INPP4B: variants seen among roughly 807,000 people sequenced by gnomAD.
INPP4B encodes inositol polyphosphate 4-phosphatase type II.
A neutral mutation model predicts 122.5 loss-of-function variants in INPP4B; 55 were observed. The ratio of observed to expected loss-of-function variants is 0.45; its 90% CI spans 0.36 to 0.56. INPP4B has a LOEUF of 0.56. INPP4B is among the 20% of genes least tolerant of loss of function. The pLI is 0.00. For synonymous variants in INPP4B, 403 were observed against 388.7 expected (o/e 1.04, Z -0.43); for missense variants, 1,000 against 1,097.7 (o/e 0.91, Z 1.26).
chr4:142,805,172 T>C (rs1195119564), intron 1 of INPP4B, among the ~76,000 whole-genome samples: 3 of 152,212 alleles, frequency 2.0e-5, no homozygotes, highest in Non-Finnish European at 4.4e-5. Flanking sequence ...TTTCAAAATG[T>C]TTAACTAAAT....
intron 16 of INPP4B, among the ~76,000 whole-genome samples, chr4:142,166,393 G>A (rs1273375375): frequency 1.3e-5 from 2 of 151,690 alleles, no homozygotes; most frequent in Admixed American, 6.6e-5. Flanking sequence ...ACTAACTCAA[G>A]ATAGATTAAA....
chr4:142,839,453 A>C (rs539945680), intron 1 of INPP4B, among the ~76,000 whole-genome samples: 1 of 152,286 alleles, frequency 6.6e-6, no homozygotes, highest in African/African-American at 2.4e-5. Flanking sequence ...AACAAAAAAA[A>C]TGACATAGGA....
chr4:142,072,104 T>C (rs1423492712), intron 25 of INPP4B, among the ~76,000 whole-genome samples: 1 of 152,136 alleles, frequency 6.6e-6, no homozygotes, highest in East Asian at 1.9e-4. Flanking sequence ...CCATCAATGA[T>C]AGACTGGATT....
intron 7 of INPP4B, among the ~76,000 whole-genome samples, chr4:142,346,588 C>T (rs975885781): frequency 6.6e-6 from 1 of 151,392 alleles, no homozygotes; most frequent in African/African-American, 2.4e-5. Flanking sequence ...AAATTATGCC[C>T]AAGAATAAAG....
At chr4:142,069,691 G>T (rs768848780) in intron 25 of INPP4B, among the ~76,000 whole-genome samples, 2 of 152,152 alleles carry the variant, frequency 1.3e-5, no homozygotes, top group Non-Finnish European at 2.9e-5. Context: ...CACTATCAGA[G>T]AATACTATAA....
At chr4:142,525,122 T>C (rs1483275434) in intron 2 of INPP4B, among the ~76,000 whole-genome samples, 2 of 150,168 alleles carry the variant, frequency 1.3e-5, no homozygotes, top group Non-Finnish European at 3.0e-5. Context: ...AAATCATGAG[T>C]GAACTCCCAT....
At chr4:142,692,930 G>GATAGATAGATAGATAGATAC (rs1322306964) in intron 2 of INPP4B, among the ~76,000 whole-genome samples, 105 of 150,370 alleles carry the variant, frequency 7.0e-4, no homozygotes, top group Middle Eastern at 3.4e-3. Flanking sequence ...TAGATAGATA[G>GATAGATAGATAGATAGATAC]ATAGATACAT....
At chr4:142,312,240 A>G (rs918653922) in intron 8 of INPP4B, among the ~76,000 whole-genome samples, 3 of 152,214 alleles carry the variant, frequency 2.0e-5, no homozygotes, top group Admixed American at 6.5e-5. Context: ...AGGAGCCAGT[A>G]TAGAGACGCT....
At chr4:142,328,634 A>AT (rs1003703286) in intron 7 of INPP4B, among the ~76,000 whole-genome samples, 4 of 151,830 alleles carry the variant, frequency 2.6e-5, no homozygotes, top group East Asian at 1.9e-4. Context: ...GTCTCAGTAT[A>AT]TTTTTTTTGG....
At chr4:142,450,062 T>C (rs1169521051) in intron 3 of INPP4B, among the ~76,000 whole-genome samples, 2 of 152,136 alleles carry the variant, frequency 1.3e-5, no homozygotes, top group African/African-American at 2.4e-5. Flanking sequence ...GAAGTTGACC[T>C]CTTTGTGATG....
chr4:142,686,378 G>GA (rs149344720), intron 2 of INPP4B, among the ~76,000 whole-genome samples: 172 of 152,128 alleles, frequency 1.1e-3, no homozygotes, highest in African/African-American at 3.9e-3. Flanking sequence ...AAAGCCAAAA[G>GA]AAAAAAACCC....
chr4:142,493,570 A>C (rs146638796), intron 2 of INPP4B, among the ~76,000 whole-genome samples: 59 of 152,296 alleles, frequency 3.9e-4, no homozygotes, highest in Non-Finnish European at 7.2e-4. Context: ...TTTAAAGTTT[A>C]ATGACTACCC....
intron 1 of INPP4B, among the ~76,000 whole-genome samples, chr4:142,772,785 C>G (rs1773283404): frequency 6.6e-6 from 1 of 152,160 alleles, no homozygotes; most frequent in Non-Finnish European, 1.5e-5. Context: ...TGGCACACGC[C>G]TGTAATCCTA....
At chr4:142,213,993 T>C (rs577812807) in intron 12 of INPP4B, among the ~76,000 whole-genome samples, 40 of 152,332 alleles carry the variant, frequency 2.6e-4, no homozygotes, top group Non-Finnish European at 4.0e-4. Flanking sequence ...TGGTCATACA[T>C]TGTGGATCTG....
intron 20 of INPP4B, 52 bp from the exon 21 acceptor site, chr4:142,122,297 C>A: frequency 7.8e-7 from 1 of 1,288,366 alleles, no homozygotes; most frequent in South Asian, 1.2e-5. Context: ...AGGAAAATGT[C>A]ACTAGCTACT....
intron 7 of INPP4B, among the ~76,000 whole-genome samples, chr4:142,334,042 C>T (rs1775658390): frequency 6.6e-6 from 1 of 152,132 alleles, no homozygotes. Flanking sequence ...CAGCCCCTGC[C>T]AAATACCATT....
rs539017805 is a variant in INPP4B at position 142,028,237 on chromosome 4, G to A, written c.*545C>T. The A allele has an allele frequency of 8.8e-6, 2 of 227,238 alleles. No homozygotes were observed. Among genetic ancestry groups the A allele is most frequent in the African/African-American group, 4.4e-5 (2 of 45,124 alleles). The allele number at this position is 227,238 out of a possible 1,614,324, so 14.1% of individuals were successfully genotyped here. On this transcript the variant is annotated 3_prime_UTR_variant, in exon 26 of 26. Coordinates refer to ENST00000262992, the MANE Select transcript of INPP4B (RefSeq NM_001101669.3). ...TGACTGGATGATAGAGATCATTGTG[G>A]AACATACCTGCAAACTGCCTCAGTA...
chr4:142,350,782 A>G (rs2151804704), intron 7 of INPP4B, among the ~76,000 whole-genome samples: 1 of 152,152 alleles, frequency 6.6e-6, no homozygotes, highest in Admixed American at 6.6e-5. Flanking sequence ...TACATTGGAA[A>G]GCATTTTACA....
chr4:142,203,182 A>T (rs1296974804), intron 14 of INPP4B, among the ~76,000 whole-genome samples: 2 of 152,116 alleles, frequency 1.3e-5, no homozygotes, highest in East Asian at 3.9e-4. Context: ...GACCAGGCTC[A>T]CAAAGTAAAA....
Sources: gnomAD v4.1 joint callset for allele counts (sites outside exome capture counted in the v4.1 genomes callset) on GRCh38, gnomAD v4.1.1 for gene constraint, MANE v1.5 for transcripts, NCBI Gene and HGNC (gene_info 2026-07-23, HGNC 2026-07-21) for gene names.